The following NIPBL variants were observed in gnomAD, a reference collection of about 807,000 sequenced individuals.
The protein encoded by NIPBL is NIPBL cohesin loading factor.
Under a neutral mutation model 321.8 loss-of-function variants are expected in NIPBL, and 19 were observed. That is an observed-to-expected ratio of 0.06 (90% confidence interval 0.04 to 0.09). The LOEUF is 0.09. Among genes scored for constraint, NIPBL ranks in the 10% least tolerant of loss-of-function variants. The probability of loss-of-function intolerance (pLI) is 1.00; values close to 1 mark genes in which losing one functional copy is unlikely to be tolerated. For synonymous variants in NIPBL, 1,106 were observed against 1,114.1 expected (o/e 0.99, Z 0.14); for missense variants, 2,210 against 3,327.0 (o/e 0.66, Z 8.26).
chr5:37,020,419 CTAATT>C (rs1439651665), intron 25 of NIPBL, 35 bp from the exon 26 acceptor site: 13 of 1,356,622 alleles, frequency 9.6e-6, no homozygotes, highest in Non-Finnish European at 1.4e-5. Flanking sequence ...AATCTTGTTG[CTAATT>C]TCATCAAGCT....
chr5:36,916,962 C>T (rs939737684), intron 1 of NIPBL, among the ~76,000 whole-genome samples: 2 of 152,126 alleles, frequency 1.3e-5, no homozygotes, highest in Admixed American at 6.6e-5. Flanking sequence ...AATAAACATA[C>T]GTGTGCATGT....
intron 1 of NIPBL, among the ~76,000 whole-genome samples, chr5:36,927,498 G>A (rs1749452196): frequency 6.6e-6 from 1 of 152,110 alleles, no homozygotes; most frequent in African/African-American, 2.4e-5. Context: ...TAAGAGTCTG[G>A]GAAGGGAGCA....
chr5:36,890,089 A>C (rs1746204756), intron 1 of NIPBL, among the ~76,000 whole-genome samples: 1 of 152,230 alleles, frequency 6.6e-6, no homozygotes, highest in African/African-American at 2.4e-5. Flanking sequence ...GATCATAAAG[A>C]TTTTCCTAGT....
chr5:36,906,839 G>A (rs1353208710), intron 1 of NIPBL, among the ~76,000 whole-genome samples: 1 of 152,138 alleles, frequency 6.6e-6, no homozygotes, highest in African/African-American at 2.4e-5. Flanking sequence ...TGTTCCTCAA[G>A]GGGAATTATT....
chr5:36,897,708 T>A (rs1746862784), intron 1 of NIPBL, among the ~76,000 whole-genome samples: 2 of 152,310 alleles, frequency 1.3e-5, no homozygotes, highest in East Asian at 3.9e-4. Context: ...GTTAAAGCAG[T>A]AAGCTTTGCC....
At chr5:37,057,074 C>G in intron 42 of NIPBL, 112 bp from the exon 43 acceptor site, 1 of 1,004,132 alleles carries the variant, frequency 1.0e-6, no homozygotes, top group African/African-American at 1.6e-5. Flanking sequence ...CTGCTTATCT[C>G]TGTCTAACAT....
chr5:37,013,579 G>A (rs1748519417), intron 21 of NIPBL, among the ~76,000 whole-genome samples: 1 of 151,668 alleles, frequency 6.6e-6, no homozygotes, highest in South Asian at 2.1e-4. Flanking sequence ...GGGGTGGCAG[G>A]GCAGAGGTGC....
At chr5:37,051,725 A>T in intron 40 of NIPBL, 54 bp from the exon 41 acceptor site, 1 of 1,262,494 alleles carries the variant, frequency 7.9e-7, no homozygotes, top group Non-Finnish European at 1.2e-6. Context: ...ACATATGTCT[A>T]AATAGAGAAT....
chr5:37,042,580 T>C (rs1016799767), intron 34 of NIPBL, among the ~76,000 whole-genome samples: 33 of 149,140 alleles, frequency 2.2e-4, no homozygotes, highest in African/African-American at 7.9e-4. Flanking sequence ...TCACAAAGTG[T>C]GGAGTTTAAG....
intron 1 of NIPBL, among the ~76,000 whole-genome samples, chr5:36,941,173 A>AG (rs1319837010): frequency 6.7e-6 from 1 of 149,840 alleles, no homozygotes; most frequent in Admixed American, 6.6e-5. Flanking sequence ...ATAGGTAAAG[A>AG]GAGATTAAAC....
intron 1 of NIPBL, among the ~76,000 whole-genome samples, chr5:36,952,272 C>G (rs899692570): frequency 1.3e-4 from 19 of 151,966 alleles, no homozygotes; most frequent in Admixed American, 8.5e-4. Context: ...TTGACGTTTA[C>G]AACTCAAAAA....
At chr5:37,022,498 T>A in intron 29 of NIPBL, 108 bp downstream of exon 29, 1 of 983,058 alleles carries the variant, frequency 1.0e-6, no homozygotes, top group Non-Finnish European at 1.4e-6. Flanking sequence ...AATTATATAT[T>A]TATATTGTCA....
At chr5:36,968,095 C>CT (rs1742418267) in intron 6 of NIPBL, among the ~76,000 whole-genome samples, 1 of 54,190 alleles carries the variant, frequency 1.8e-5, no homozygotes, top group African/African-American at 7.6e-5. Flanking sequence ...GACTCTGTCT[C>CT]AAAAAAAAAA....
intron 6 of NIPBL, among the ~76,000 whole-genome samples, chr5:36,968,106 A>G (rs1219711580): frequency 1.3e-5 from 2 of 149,666 alleles, no homozygotes; most frequent in African/African-American, 4.9e-5. Context: ...AAAAAAAAAA[A>G]AAAAACAAAA....
rs571300383 is a variant in NIPBL, at chr5:36,976,141, C to G, written c.1234C>G (p.Arg412Gly). Residue 412 changes from arginine (R) to glycine (G), a missense_variant, in exon 9 of 47, where the codon CGC becomes GGC. Arg to Gly is a moderately radical substitution (Grantham distance 125, BLOSUM62 -2). Around this residue, in one of 14 missense-constraint regions of NIPBL, gnomAD observed 464 missense variants for 529.5 expected, o/e 0.88. Coordinates refer to ENST00000282516, the MANE Select transcript of NIPBL (RefSeq NM_133433.4). ...ACCCATTACTCCACAAGATATAAAC[C>G]GCCCACTAAATGCTGCTCAATGTTT... ...KTPITPQDINRPLNAAQCLSQ... is the reference protein window; with the variant it reads ...KTPITPQDINGPLNAAQCLSQ... 1 of 1,613,450 alleles carries G rather than the reference C, an allele frequency of 6.2e-7. No individual in the cohort carries two copies. The highest frequency in any genetic ancestry group is 1.3e-5 in the African/African-American group (1 of 74,870).
At chr5:36,908,884 A>C (rs1561373785) in intron 1 of NIPBL, among the ~76,000 whole-genome samples, 1 of 152,374 alleles carries the variant, frequency 6.6e-6, no homozygotes. Context: ...GGAATGTATA[A>C]CATATACCAT....
chr5:36,951,754 T>C (rs1740317375), intron 1 of NIPBL, among the ~76,000 whole-genome samples: 1 of 152,180 alleles, frequency 6.6e-6, no homozygotes, highest in African/African-American at 2.4e-5. Flanking sequence ...GTAGTGATTA[T>C]AGCTTTCCTA....
At chr5:36,892,442 A>G (rs907602778) in intron 1 of NIPBL, among the ~76,000 whole-genome samples, 5 of 152,224 alleles carry the variant, frequency 3.3e-5, no homozygotes, top group Admixed American at 3.3e-4. Flanking sequence ...TACTGGCTAT[A>G]TACCCAAAGG....
At chr5:37,025,326 C>T (rs1750135491) in intron 30 of NIPBL, among the ~76,000 whole-genome samples, 1 of 152,112 alleles carries the variant, frequency 6.6e-6, no homozygotes, top group South Asian at 2.1e-4. Context: ...AAAGGTTTCT[C>T]ATGGGATTAT....
Sources: gnomAD v4.1 joint callset for allele counts (sites outside exome capture counted in the v4.1 genomes callset) on GRCh38, gnomAD v4.1.1 for gene constraint, gnomAD v4.1.1 regional missense constraint, MANE v1.5 for transcripts, NCBI Gene and HGNC (gene_info 2026-07-23, HGNC 2026-07-21) for gene names.